The following PITPNM1 variants were observed in gnomAD, a reference collection of about 807,000 sequenced individuals.
PITPNM1 encodes membrane-associated phosphatidylinositol transfer protein 1.
Under a neutral mutation model 133.3 loss-of-function variants are expected in PITPNM1, and 74 were observed. The observed-to-expected ratio is 0.56, with a 90% CI of 0.46 to 0.67. The LOEUF is 0.67. PITPNM1 is among the 30% of genes least tolerant of loss of function. PITPNM1 has a pLI of 0.00. For missense variants in PITPNM1, 1,398 were observed against 1,739.5 expected (o/e 0.80, Z 3.49); for synonymous variants, 738 against 741.4 (o/e 1.00, Z 0.08).
intron 5 of PITPNM1, 67 bp from the exon 6 acceptor site, chr11:67,500,488 A>G: frequency 6.7e-7 from 1 of 1,498,246 alleles, no homozygotes; most frequent in South Asian, 1.2e-5. Context: ...CTACATGCCC[A>G]GCCTTGAGGT....
In PITPNM1 at chr11:67,498,783, G is replaced by C. The variant is rs757857781; in HGVS notation, c.1297C>G (p.Leu433Val). ...ACAVHALFLI[L>V]HSGNILDSGP... ...GAGTCCAGGATGTTGCCGCTGTGCAGGATAAGGAAGAGGGCGTGGACTGCG... is the reference window on the plus strand; with the variant it reads ...GAGTCCAGGATGTTGCCGCTGTGCACGATAAGGAAGAGGGCGTGGACTGCG... The change falls in exon 10 of 24, where the codon CTG becomes GTG. Residue 433 changes from leucine (L) to valine (V), a missense_variant. By Grantham distance (32) the Leu-to-Val change is conservative. Transcript: ENST00000356404. The surrounding 1 kb of genome is among the most constrained non-coding windows in gnomAD (Gnocchi z 5.7). 31 of 1,612,532 alleles carry C rather than the reference G, an allele frequency of 1.9e-5. 1 individual carries two copies. The South Asian group carries it at 3.3e-4, about 17-fold the overall frequency.
chr11:67,492,220 G>C lies in PITPNM1; in HGVS notation c.3548C>G (p.Pro1183Arg), dbSNP rs1039159659. 1.9e-6 allele frequency: 3 copies of C among 1,609,316 alleles called. No homozygotes were observed. The highest frequency in any genetic ancestry group is 1.3e-5 in the African/African-American group (1 of 74,890). ...GSHSHASSGPPRAALGKSSYG... is the reference protein window; with the variant it reads ...GSHSHASSGPRRAALGKSSYG... ...GCTGCTCTTGCCCAAGGCAGCTCTCGGGGGTCCCGAGGAGGCATGCGAGTG... is the reference window on the plus strand; with the variant it reads ...GCTGCTCTTGCCCAAGGCAGCTCTCCGGGGTCCCGAGGAGGCATGCGAGTG... Residue 1183 changes from proline to arginine, a missense_variant, in exon 24 of 24, where the codon CCG becomes CGG. Physicochemically the swap from Pro to Arg is moderately radical, Grantham distance 103 (BLOSUM62 -2). Transcript: ENST00000356404.
In PITPNM1 at chr11:67,497,370, T is replaced by A; in HGVS notation, c.2007A>T (p.Pro669=). The change falls in exon 14 of 24, where the codon CCA becomes CCT. Residue 669 remains proline, a synonymous_variant. Transcript: ENST00000356404. The stretch of plus-strand genomic sequence containing the variant: ...CAGGTGCCTCGGAACTGGCAGCGGG[T>A]GGGCAGAAGGCCGTGCTTGCCCGCC... ...EPRRASTAFC[P]PAASSEAPDG... 6.2e-7 allele frequency: 1 copy of A among 1,600,316 alleles called. No homozygotes were observed. The highest frequency in any genetic ancestry group is 8.5e-7 in the Non-Finnish European group (1 of 1,171,754).
chr11:67,504,033 C>A lies in PITPNM1; in HGVS notation c.78+70G>T, dbSNP rs1591067810. On this transcript the variant is annotated intron_variant, in intron 2 of 23. Coordinates refer to ENST00000356404, the MANE Select transcript of PITPNM1 (RefSeq NM_004910.3). This position sits in a 1 kb window ranked among gnomAD's most constrained non-coding sequence, Gnocchi z 5.4. ...TCCGGGCTCCCAGCCGGTCCCAGCC[C>A]CGGGGCAGGGCTGGCGGGGTCGGCA... 1.6e-6 allele frequency: 2 copies of A among 1,281,114 alleles called. No homozygotes were observed. Among genetic ancestry groups the A allele is most frequent in the Admixed American group, 2.4e-5 (1 of 41,224 alleles). 79.4% of individuals were successfully genotyped at this position (1,281,114 alleles called of 1,614,324 possible).
At chr11:67,495,345 G>T in intron 16 of PITPNM1, 93 bp downstream of exon 16, 1 of 1,462,104 alleles carries the variant, frequency 6.8e-7, no homozygotes, top group Non-Finnish European at 9.1e-7. Flanking sequence ...TCCAGGCTGT[G>T]TGCTGGGGGA....
Position 67,493,596 on chromosome 11 carries a change from G to A in PITPNM1, c.3159-3C>T. Reference sequence around the variant, plus strand: ...GGTAGCCGGAGTCCTGCCAGTGCCTGTGGGGCGGGGGCAGCGGTCAGCTCC... The same window carrying A: ...GGTAGCCGGAGTCCTGCCAGTGCCTATGGGGCGGGGGCAGCGGTCAGCTCC... On this transcript the variant is annotated splice_region_variant and splice_polypyrimidine_tract_variant and intron_variant, in intron 21 of 23. Coordinates refer to ENST00000356404, the MANE Select transcript of PITPNM1 (RefSeq NM_004910.3). 6.5e-7 allele frequency: 1 copy of A among 1,547,330 alleles called. No individual in the cohort carries two copies. The highest frequency in any genetic ancestry group is 8.7e-7 in the Non-Finnish European group (1 of 1,144,736).
intron 12 of PITPNM1, 81 bp downstream of exon 12, chr11:67,497,836 G>A (rs1866179710): frequency 8.8e-6 from 13 of 1,480,036 alleles, no homozygotes; most frequent in Admixed American, 1.8e-5. Flanking sequence ...GCTGGCAGAG[G>A]GGTGGCATTC....
Position 67,497,332 on chromosome 11 carries a change from C to T in PITPNM1, c.2045G>A (p.Ser682Asn). ...GACCTTGAAGTCAAGGCGGGCAGTG[C>T]TGCTGGGGCCGTCAGGTGCCTCGGA... ...ASSEAPDGPS[S>N]TARLDFKVSG... Residue 682 changes from serine to asparagine, a missense_variant, in exon 14 of 24, where the codon AGC (serine) becomes AAC (asparagine). This residue lies in a region of PITPNM1 where 574 missense variants were observed against 698.7 expected (regional missense o/e 0.82). Coordinates refer to ENST00000356404, the MANE Select transcript of PITPNM1 (RefSeq NM_004910.3). 2 of 1,610,672 alleles carry T rather than the reference C, an allele frequency of 1.2e-6. No individual in the cohort carries two copies. The highest frequency in any genetic ancestry group is 1.7e-6 in the Non-Finnish European group (2 of 1,178,284).
In PITPNM1 at chr11:67,497,611, C is replaced by T. The variant is rs754113945; in HGVS notation, c.1851G>A (p.Leu617=). The change falls in exon 13 of 24, where the codon CTG becomes CTA. Residue 617 remains leucine (L), a synonymous_variant. Transcript: ENST00000356404. The part of the protein sequence containing the change: ...RDPLADGVEG[L]GRGSPEPSAL... ...CCGAGGGTTCTGGGCTGCCCCGACC[C>T]AGGCCTTCCACACCATCTGCCAGGG... The T allele has an allele frequency of 1.2e-5, 19 of 1,607,048 alleles. No homozygotes were observed. The highest frequency in any genetic ancestry group is 1.4e-5 in the Non-Finnish European group (17 of 1,178,278).
chr11:67,494,670 A>C (rs192422161), intron 18 of PITPNM1, among the ~76,000 whole-genome samples, 176 bp downstream of exon 18: 8,791 of 130,254 alleles, frequency 0.067, 851 homozygotes, highest in African/African-American at 0.23. Context: ...AGCGGTTCCC[A>C]GGGGCGGGGC....
At position 67,491,828 on chromosome 11, in the gene PITPNM1, A is replaced by G; in HGVS notation, c.*205T>C. ...ACACACTGGAAAAGCCTCTGCGCCCATGCCCACGCCCTCCTCCCTCCCCCC... is the reference window on the plus strand; with the variant it reads ...ACACACTGGAAAAGCCTCTGCGCCCGTGCCCACGCCCTCCTCCCTCCCCCC... On this transcript the variant is annotated 3_prime_UTR_variant, in exon 24 of 24. Coordinates refer to ENST00000356404, the MANE Select transcript of PITPNM1 (RefSeq NM_004910.3). The G allele has an allele frequency of 3.3e-6, 2 of 604,920 alleles. No homozygotes were observed. The highest frequency in any genetic ancestry group is 5.8e-6 in the Non-Finnish European group (2 of 346,176). 37.5% of individuals were successfully genotyped at this position (604,920 alleles called of 1,614,324 possible).
rs746459719 is a variant in PITPNM1, at chr11:67,502,368, G to C, written c.339C>G (p.Thr113=). The change falls in exon 4 of 24, where the codon ACC becomes ACG. Residue 113 remains threonine, a synonymous_variant. Coordinates refer to ENST00000356404, the MANE Select transcript of PITPNM1 (RefSeq NM_004910.3). This position sits in a 1 kb window ranked among gnomAD's most constrained non-coding sequence, Gnocchi z 5.9. Reference sequence around the variant, plus strand: ...GCTGCCCCCCATCAGGCAGGTAATAGGTCTCAATTTCAATGGAGAATTTCT... The same window carrying C: ...GCTGCCCCCCATCAGGCAGGTAATACGTCTCAATTTCAATGGAGAATTTCT... The part of the protein sequence containing the change: ...FVEKFSIEIE[T]YYLPDGGQQP... 1.2e-6 allele frequency: 2 copies of C among 1,613,878 alleles called. No individual in the cohort carries two copies. Among genetic ancestry groups the C allele is most frequent in the South Asian group, 2.2e-5 (2 of 91,088 alleles).
Position 67,504,141 on chromosome 11 carries a change from G to C in PITPNM1, c.40C>G (p.Leu14Val), listed in dbSNP as rs1247639493. 3 of 1,609,858 alleles carry C rather than the reference G, an allele frequency of 1.9e-6. No individual in the cohort carries two copies. The highest frequency in any genetic ancestry group is 2.5e-6 in the Non-Finnish European group (3 of 1,178,762). The change falls in exon 2 of 24, where the codon CTG becomes GTG. Residue 14 changes from leucine (L) to valine (V), a missense_variant. By Grantham distance (32) the Leu-to-Val change is conservative. Coordinates refer to ENST00000356404, the MANE Select transcript of PITPNM1 (RefSeq NM_004910.3). The surrounding 1 kb of genome is among the most constrained non-coding windows in gnomAD (Gnocchi z 5.4). ...KEYHILLPMS[L>V]DEYQVAQLYM... is the part of the protein sequence containing the mutation. ...AGCTGGGCCACCTGGTACTCGTCCA[G>C]GCTCATGGGCAGCAGAATGTGGTAT...
Position 67,494,090 on chromosome 11 carries a change from G to A in PITPNM1, c.2860-20C>T, listed in dbSNP as rs747367139. The A allele has an allele frequency of 5.0e-6, 8 of 1,599,906 alleles. No homozygotes were observed. The East Asian group carries it at 1.8e-4, about 36-fold the overall frequency. ...ATCCACCTGGAGGGGAGAAGGGGCG[G>A]GAGGTAAATGGGGGCCCTGCGTGGA... is the stretch of plus-strand genomic sequence containing the variant. On this transcript the variant is annotated intron_variant, in intron 19 of 23. Transcript: ENST00000356404.
rs373396510 is a variant in PITPNM1 at position 67,498,716 on chromosome 11, G to A, written c.1364C>T (p.Thr455Met). 39 of 1,608,592 alleles carry A rather than the reference G, an allele frequency of 2.4e-5. No individual in the cohort carries two copies. The highest frequency in any genetic ancestry group is 2.0e-4 in the East Asian group (9 of 44,890). The change falls in exon 10 of 24, where the codon ACG becomes ATG. Residue 455 changes from threonine to methionine, a missense_variant. Physicochemically the swap from Thr to Met is moderately conservative, Grantham distance 81. Coordinates refer to ENST00000356404, the MANE Select transcript of PITPNM1 (RefSeq NM_004910.3). The surrounding 1 kb of genome is among the most constrained non-coding windows in gnomAD (Gnocchi z 5.7). ...DANSKQADVQ[T>M]LSSAFEAVTR... The stretch of plus-strand genomic sequence containing the variant: ...GACGGCCTCGAAGGCGGAGCTCAGC[G>A]TCTGCACATCCGCCTGCTTGGAGTT...
chr11:67,497,380 G>C lies in PITPNM1; in HGVS notation c.1997C>G (p.Ala666Gly). 6.3e-7 allele frequency: 1 copy of C among 1,595,510 alleles called. No homozygotes were observed. Among genetic ancestry groups the C allele is most frequent in the South Asian group, 1.1e-5 (1 of 89,844 alleles). ...GGAACTGGCAGCGGGTGGGCAGAAG[G>C]CCGTGCTTGCCCGCCGGGGCTCCCA... The part of the protein sequence containing the change: ...SSWEPRRAST[A>G]FCPPAASSEA... The change falls in exon 14 of 24, where the codon GCC (alanine) becomes GGC (glycine). Residue 666 changes from alanine to glycine, a missense_variant. Coordinates refer to ENST00000356404, the MANE Select transcript of PITPNM1 (RefSeq NM_004910.3).
In PITPNM1 at chr11:67,498,888, C is replaced by G. The variant is rs753164856; in HGVS notation, c.1234-42G>C. The G allele has an allele frequency of 6.2e-7, 1 of 1,610,758 alleles. No homozygotes were observed. Among genetic ancestry groups the G allele is most frequent in the Admixed American group, 1.7e-5 (1 of 59,946 alleles). On this transcript the variant is annotated intron_variant, in intron 9 of 23. Coordinates refer to ENST00000356404, the MANE Select transcript of PITPNM1 (RefSeq NM_004910.3). This position sits in a 1 kb window ranked among gnomAD's most constrained non-coding sequence, Gnocchi z 5.7. ...GGTGCAGTGGGTGTCACAGCAGTGG[C>G]CGGGCCAGTGAGTAGGGGGAGCTTT...
chr11:67,501,120 G>C (rs913378466), intron 5 of PITPNM1, among the ~76,000 whole-genome samples: 3 of 152,228 alleles, frequency 2.0e-5, no homozygotes, highest in Non-Finnish European at 4.4e-5. Context: ...GGTGTTGTGG[G>C]TGTTAAGGGA....
Position 67,494,370 on chromosome 11 carries a change from G to T in PITPNM1, c.2743-10C>A. 6.3e-7 allele frequency: 1 copy of T among 1,587,930 alleles called. No homozygotes were observed. The highest frequency in any genetic ancestry group is 1.1e-5 in the South Asian group (1 of 87,928). ...GGTTGGAAGTGACGTTCTAGAGGGA[G>T]GAGAGGGCGTGAGTCCGCGGCCAGC... On this transcript the variant is annotated splice_polypyrimidine_tract_variant and intron_variant, in intron 18 of 23. Coordinates refer to ENST00000356404, the MANE Select transcript of PITPNM1 (RefSeq NM_004910.3).
Sources: gnomAD v4.1 joint callset for allele counts (sites outside exome capture counted in the v4.1 genomes callset) on GRCh38, gnomAD v4.1.1 for gene constraint, gnomAD v4.1.1 regional missense constraint, Gnocchi (gnomAD v3.1) non-coding constraint, MANE v1.5 for transcripts, NCBI Gene and HGNC (gene_info 2026-07-23, HGNC 2026-07-21) for gene names.